GALNT14: variants seen among roughly 807,000 people sequenced by gnomAD.
GALNT14 encodes polypeptide N-acetylgalactosaminyltransferase 14.
A neutral mutation model predicts 77.5 loss-of-function variants in GALNT14; 60 were observed. That is an observed-to-expected ratio of 0.77 (90% CI 0.63 to 0.96). The LOEUF is 0.96. GALNT14 is among the 40% of genes least tolerant of loss of function. The pLI, the probability that GALNT14 is intolerant of heterozygous loss-of-function variation, is 0.00. For synonymous variants in GALNT14, 280 were observed against 281.7 expected (o/e 0.99, Z 0.06); for missense variants, 710 against 731.0 (o/e 0.97, Z 0.33).
rs557941480 is a variant in GALNT14 at position 31,099,821 on chromosome 2, G to A, written c.129+38137C>T. Among the ~76,000 whole-genome samples, 125 of 151,668 alleles carry A rather than the reference G, an allele frequency of 8.2e-4. 1 individual carries two copies. The highest frequency in any genetic ancestry group is 1.3e-3 in the Admixed American group (19 of 15,190). On this transcript the variant is annotated intron_variant, in intron 1 of 14. Coordinates refer to ENST00000349752, the MANE Select transcript of GALNT14 (RefSeq NM_024572.4). ...TATAATAAATTCAATATCTAGTAGC[G>A]CCAGTCACCTCATATGGGTTTTTTC...
chr2:31,086,014 A>G (rs1676411069), intron 1 of GALNT14, among the ~76,000 whole-genome samples: 1 of 152,322 alleles, frequency 6.6e-6, no homozygotes, highest in East Asian at 1.9e-4. Flanking sequence ...TCACAAGAAC[A>G]GCACCGGAAA....
At chr2:30,937,751 C>T (rs540087940) in intron 9 of GALNT14, among the ~76,000 whole-genome samples, 4 of 152,264 alleles carry the variant, frequency 2.6e-5, no homozygotes, top group Admixed American at 6.5e-5. Flanking sequence ...ATTAATGACC[C>T]GAAACGCATC....
intron 1 of GALNT14, among the ~76,000 whole-genome samples, chr2:31,000,597 C>G (rs1670310422): frequency 6.6e-6 from 1 of 152,106 alleles, no homozygotes; most frequent in Non-Finnish European, 1.5e-5. Flanking sequence ...CAGGGAAGAG[C>G]TGCAGTTGAA....
At chr2:31,031,552 G>A (rs1672413357) in intron 1 of GALNT14, among the ~76,000 whole-genome samples, 1 of 152,048 alleles carries the variant, frequency 6.6e-6, no homozygotes, top group Admixed American at 6.6e-5. Context: ...CAATGCCACT[G>A]GTACCTCTGC....
At chr2:30,936,734 G>A (rs373223746) in intron 9 of GALNT14, among the ~76,000 whole-genome samples, 12 of 152,198 alleles carry the variant, frequency 7.9e-5, no homozygotes, top group South Asian at 4.1e-4. Flanking sequence ...AGAAAACATC[G>A]CCTTGAATCT....
chr2:31,007,836 G>C (rs1670777599), intron 1 of GALNT14, among the ~76,000 whole-genome samples: 1 of 152,118 alleles, frequency 6.6e-6, no homozygotes. Context: ...AATTTCCAGA[G>C]CCATATTCTG....
At chr2:31,071,383 C>T (rs1178942139) in intron 1 of GALNT14, among the ~76,000 whole-genome samples, 1 of 152,182 alleles carries the variant, frequency 6.6e-6, no homozygotes, top group Non-Finnish European at 1.5e-5. Flanking sequence ...TCAGAGCATC[C>T]AGAGGATAAT....
At chr2:31,013,555 A>C (rs1252940924) in intron 1 of GALNT14, among the ~76,000 whole-genome samples, 1 of 152,192 alleles carries the variant, frequency 6.6e-6, no homozygotes, top group Non-Finnish European at 1.5e-5. Flanking sequence ...GACCAGAAGC[A>C]TTTTAACCTG....
chr2:30,940,501 AG>A (rs1467667380), intron 9 of GALNT14, among the ~76,000 whole-genome samples: 48 of 152,376 alleles, frequency 3.2e-4, no homozygotes, highest in African/African-American at 1.1e-3. Flanking sequence ...TATCTACAAC[AG>A]AATATGCCAA....
At chr2:31,057,348 A>ATGTG (rs35039993) in intron 1 of GALNT14, among the ~76,000 whole-genome samples, 2 of 111,940 alleles carry the variant, frequency 1.8e-5, no homozygotes, top group South Asian at 3.1e-4. Flanking sequence ...ACGTATATAT[A>ATGTG]TGTGTGTGTG....
intron 1 of GALNT14, 84 bp from the exon 2 acceptor site, chr2:30,993,091 A>G: frequency 6.9e-7 from 1 of 1,440,910 alleles, no homozygotes. Flanking sequence ...CCAACCCCAG[A>G]GACCAGGCTT....
rs528798566 is a variant in GALNT14 at position 30,949,952 on chromosome 2, C to G, written c.655-4082G>C. ...ACATTGTGGGGAAAGACAAGGACAG[C>G]TGGGTTGACAGGACACCTGGGTTCC... On this transcript the variant is annotated intron_variant, in intron 6 of 14. Coordinates refer to ENST00000349752, the MANE Select transcript of GALNT14 (RefSeq NM_024572.4). Among the ~76,000 whole-genome samples, 11 of 152,328 alleles carry G rather than the reference C, an allele frequency of 7.2e-5. No individual in the cohort carries two copies. The South Asian group carries it at 2.3e-3, about 32-fold the overall frequency.
At chr2:31,118,595 C>T (rs1001510644) in intron 1 of GALNT14, among the ~76,000 whole-genome samples, 3 of 151,962 alleles carry the variant, frequency 2.0e-5, no homozygotes, top group African/African-American at 7.2e-5. Context: ...TATAGAATAT[C>T]TAATAAAGGT....
At chr2:30,992,497 A>G (rs774686629) in intron 2 of GALNT14, among the ~76,000 whole-genome samples, 6 of 152,092 alleles carry the variant, frequency 3.9e-5, no homozygotes, top group Non-Finnish European at 8.8e-5. Flanking sequence ...CGGGTGTGGG[A>G]ATCTGCCAGG....
At chr2:31,010,619 T>C (rs1185875891) in intron 1 of GALNT14, among the ~76,000 whole-genome samples, 2 of 152,182 alleles carry the variant, frequency 1.3e-5, no homozygotes, top group East Asian at 2.0e-4. Flanking sequence ...TGTCTCAAGA[T>C]GACATTCGTT....
chr2:30,991,816 C>A (rs1394034174), intron 2 of GALNT14, among the ~76,000 whole-genome samples: 2 of 152,158 alleles, frequency 1.3e-5, no homozygotes, highest in African/African-American at 4.8e-5. Flanking sequence ...GTCCGCCAGC[C>A]TTCACAGGGT....
At chr2:31,078,348 G>C (rs1488905225) in intron 1 of GALNT14, among the ~76,000 whole-genome samples, 1 of 152,208 alleles carries the variant, frequency 6.6e-6, no homozygotes. Context: ...AACATTAGAC[G>C]ATCATAAGTT....
At chr2:31,073,212 G>A (rs770162169) in intron 1 of GALNT14, 9 of 152,266 alleles carry the variant, frequency 5.9e-5, no homozygotes, top group East Asian at 5.8e-4. Flanking sequence ...CTCACTCTGT[G>A]GGATTTTTGT....
chr2:31,015,771 A>T (rs1160975211), intron 1 of GALNT14, among the ~76,000 whole-genome samples: 1 of 152,210 alleles, frequency 6.6e-6, no homozygotes, highest in Non-Finnish European at 1.5e-5. Flanking sequence ...ATGGAGAGAC[A>T]TTCTACAAAA....
Sources: gnomAD v4.1 joint callset for allele counts (sites outside exome capture counted in the v4.1 genomes callset) on GRCh38, gnomAD v4.1.1 for gene constraint, MANE v1.5 for transcripts, NCBI Gene and HGNC (gene_info 2026-07-23, HGNC 2026-07-21) for gene names.